MEIS2: variants seen among roughly 807,000 people sequenced by gnomAD.
The protein encoded by MEIS2 is homeobox protein Meis2.
In MEIS2, 9 loss-of-function variants were observed where a neutral mutation model predicts 58.6. The ratio of observed to expected loss-of-function variants is 0.15; its 90% confidence interval spans 0.09 to 0.27. The LOEUF (loss-of-function observed/expected upper bound fraction) is 0.27, where lower values mean the gene tolerates loss of function less well. Ranked by LOEUF, MEIS2 falls within the 10% of genes least tolerant of loss-of-function variation. The pLI is 1.00. For synonymous variants in MEIS2, 221 were observed against 228.4 expected (o/e 0.97, Z 0.29); for missense variants, 427 against 635.0 (o/e 0.67, Z 3.52).
At chr15:36,915,779 C>T (rs2057249201) in intron 9 of MEIS2, among the ~76,000 whole-genome samples, 2 of 152,208 alleles carry the variant, frequency 1.3e-5, no homozygotes, top group African/African-American at 2.4e-5. Flanking sequence ...AAATAGGGCT[C>T]ATTGAGTCAA....
chr15:36,944,559 G>C (rs2058491815), intron 9 of MEIS2, among the ~76,000 whole-genome samples: 1 of 152,060 alleles, frequency 6.6e-6, no homozygotes, highest in Admixed American at 6.6e-5. Context: ...TCTGGCATAG[G>C]AAGTGATCTG....
At chr15:36,963,947 G>C (rs1162234257) in intron 8 of MEIS2, among the ~76,000 whole-genome samples, 2 of 152,116 alleles carry the variant, frequency 1.3e-5, no homozygotes, top group Admixed American at 1.3e-4. Context: ...ACTTTCTTTT[G>C]GACATTTAGG....
intron 8 of MEIS2, among the ~76,000 whole-genome samples, chr15:36,976,679 A>C (rs2059771154): frequency 6.6e-6 from 1 of 152,014 alleles, no homozygotes; most frequent in Non-Finnish European, 1.5e-5. Flanking sequence ...CATTTGCAGA[A>C]AAAAATTAAC....
At chr15:37,078,467 G>GA (rs1891715436) in intron 7 of MEIS2, among the ~76,000 whole-genome samples, 2 of 148,400 alleles carry the variant, frequency 1.3e-5, no homozygotes, top group South Asian at 2.1e-4. Flanking sequence ...AATATCTAAG[G>GA]AAAAAAACCA....
chr15:37,018,998 C>A (rs1318484643), intron 8 of MEIS2, among the ~76,000 whole-genome samples: 1 of 152,204 alleles, frequency 6.6e-6, no homozygotes, highest in African/African-American at 2.4e-5. Context: ...CAGCTTCAAG[C>A]CAAGAGGACT....
At chr15:37,055,675 T>G (rs1428975711) in intron 7 of MEIS2, among the ~76,000 whole-genome samples, 1 of 152,172 alleles carries the variant, frequency 6.6e-6, no homozygotes, top group African/African-American at 2.4e-5. Context: ...TGCCCCTGAT[T>G]GCTTTTCTTT....
In MEIS2 at chr15:37,062,764, T is replaced by C. The variant is rs185560003; in HGVS notation, c.754+21007A>G. Among the ~76,000 whole-genome samples, 799 of 152,354 alleles carry C rather than the reference T, an allele frequency of 5.2e-3. 5 individuals are homozygous for C. Among genetic ancestry groups the C allele is most frequent in the African/African-American group, 0.019 (779 of 41,582 alleles). Reference sequence around the variant, plus strand: ...AAATTTACCTTCTTCTGTTGAATTCTGTTATGTGCCATATGTTTTTGGAAT... The same window carrying C: ...AAATTTACCTTCTTCTGTTGAATTCCGTTATGTGCCATATGTTTTTGGAAT... On this transcript the variant is annotated intron_variant, in intron 7 of 11. Coordinates refer to ENST00000561208, the MANE Select transcript of MEIS2 (RefSeq NM_170675.5).
chr15:36,950,671 A>G (rs191488319), intron 8 of MEIS2, among the ~76,000 whole-genome samples: 27 of 152,224 alleles, frequency 1.8e-4, no homozygotes, highest in African/African-American at 6.5e-4. Context: ...CAGAATGCAA[A>G]GCACTTTTGT....
At chr15:36,955,128 A>C (rs1167017062) in intron 8 of MEIS2, among the ~76,000 whole-genome samples, 1 of 152,180 alleles carries the variant, frequency 6.6e-6, no homozygotes, top group Non-Finnish European at 1.5e-5. Flanking sequence ...TTAATTTAAT[A>C]CCTTTTTCTT....
chr15:37,067,999 T>C (rs796495601), intron 7 of MEIS2, among the ~76,000 whole-genome samples: 49 of 152,340 alleles, frequency 3.2e-4, no homozygotes, highest in African/African-American at 1.1e-3. Flanking sequence ...TATTGTATTA[T>C]AGATGCCCAA....
At chr15:36,967,737 T>C (rs2059403411) in intron 8 of MEIS2, among the ~76,000 whole-genome samples, 1 of 152,232 alleles carries the variant, frequency 6.6e-6, no homozygotes, top group South Asian at 2.1e-4. Flanking sequence ...TCCTCTATTA[T>C]TGCCACCAAA....
chr15:37,065,850 T>C (rs1417842058), intron 7 of MEIS2, among the ~76,000 whole-genome samples: 1 of 152,210 alleles, frequency 6.6e-6, no homozygotes, highest in East Asian at 1.9e-4. Flanking sequence ...ATTGGCAGAC[T>C]TTCTTGGGGT....
chr15:36,978,413 G>A (rs1283428581), intron 8 of MEIS2, among the ~76,000 whole-genome samples: 15 of 152,196 alleles, frequency 9.9e-5, no homozygotes, highest in Admixed American at 9.8e-4. Flanking sequence ...CCTGGCTCCA[G>A]GATCTGTGCT....
intron 8 of MEIS2, among the ~76,000 whole-genome samples, chr15:37,025,313 C>T (rs982272684): frequency 6.6e-6 from 1 of 152,196 alleles, no homozygotes; most frequent in Admixed American, 6.5e-5. Context: ...AACGAGCACT[C>T]AGATAAATTA....
intron 7 of MEIS2, among the ~76,000 whole-genome samples, chr15:37,046,904 T>G (rs1221528815): frequency 6.6e-6 from 1 of 151,838 alleles, no homozygotes; most frequent in Non-Finnish European, 1.5e-5. Context: ...TTACCAATTT[T>G]AAAATATTTA....
intron 7 of MEIS2, among the ~76,000 whole-genome samples, chr15:37,041,144 A>G (rs2141756559): frequency 6.6e-6 from 1 of 152,330 alleles, no homozygotes; most frequent in African/African-American, 2.4e-5. Context: ...AGTAAGGGTT[A>G]AACAGAAAGA....
At chr15:36,918,206 C>T (rs1482974013) in intron 9 of MEIS2, among the ~76,000 whole-genome samples, 10 of 152,134 alleles carry the variant, frequency 6.6e-5, no homozygotes, top group Non-Finnish European at 2.9e-5. Flanking sequence ...GACATACAGC[C>T]CTCTATCCAT....
intron 6 of MEIS2, among the ~76,000 whole-genome samples, chr15:37,092,969 G>A (rs938340265): frequency 1.3e-5 from 2 of 151,638 alleles, no homozygotes; most frequent in African/African-American, 4.8e-5. Flanking sequence ...GTTCATCAAG[G>A]TTACTGTCTT....
chr15:36,997,110 G>A (rs1393520975), intron 8 of MEIS2, among the ~76,000 whole-genome samples: 5 of 152,172 alleles, frequency 3.3e-5, no homozygotes, highest in South Asian at 2.1e-4. Flanking sequence ...GTTCTATTTC[G>A]AGCTATGCCT....
Sources: gnomAD v4.1 joint callset for allele counts (sites outside exome capture counted in the v4.1 genomes callset) on GRCh38, gnomAD v4.1.1 for gene constraint, MANE v1.5 for transcripts, NCBI Gene and HGNC (gene_info 2026-07-23, HGNC 2026-07-21) for gene names.